Variants in CADM2 observed in about 807,000 individuals in gnomAD.
CADM2 encodes immunoglobulin superfamily member 4D.
In CADM2, 12 loss-of-function variants were observed where a neutral mutation model predicts 49.8. The observed-to-expected ratio is 0.24, with a 90% CI of 0.15 to 0.39. CADM2 has a LOEUF of 0.39. CADM2 is among the 10% of genes least tolerant of loss of function. The probability of loss-of-function intolerance (pLI) is 1.00; values close to 1 mark genes in which losing one functional copy is unlikely to be tolerated. For missense variants in CADM2, 378 were observed against 492.3 expected (o/e 0.77, Z 2.20); for synonymous variants, 214 against 175.4 (o/e 1.22, Z -1.74).
At chr3:85,152,942 C>T (rs1451693247) in intron 1 of CADM2, among the ~76,000 whole-genome samples, 1 of 143,508 alleles carries the variant, frequency 7.0e-6, no homozygotes, top group Non-Finnish European at 1.5e-5. Flanking sequence ...CCAGCCTGGG[C>T]TACAGAGCAA....
At chr3:85,506,861 A>G (rs1027879065) in intron 1 of CADM2, among the ~76,000 whole-genome samples, 2 of 152,214 alleles carry the variant, frequency 1.3e-5, no homozygotes, top group Non-Finnish European at 2.9e-5. Context: ...AATTATCATT[A>G]TAGAATTAAC....
intron 1 of CADM2, among the ~76,000 whole-genome samples, chr3:84,972,548 G>T (rs1229188323): frequency 6.6e-6 from 1 of 152,140 alleles, no homozygotes; most frequent in Non-Finnish European, 1.5e-5. Context: ...CACATCCATA[G>T]ATCAATTCTA....
chr3:84,965,611 A>C (rs995904004), intron 1 of CADM2, among the ~76,000 whole-genome samples: 1 of 152,216 alleles, frequency 6.6e-6, no homozygotes, highest in African/African-American at 2.4e-5. Flanking sequence ...AACATAGGTC[A>C]GTTTAATGAA....
intron 1 of CADM2, among the ~76,000 whole-genome samples, chr3:85,163,742 A>C (rs1446140751): frequency 6.6e-6 from 1 of 152,120 alleles, no homozygotes; most frequent in Non-Finnish European, 1.5e-5. Flanking sequence ...ATGCTAGCAT[A>C]GAAGTCATAT....
chr3:85,271,213 G>A (rs2043234893), intron 1 of CADM2, among the ~76,000 whole-genome samples: 1 of 151,330 alleles, frequency 6.6e-6, no homozygotes, highest in Non-Finnish European at 1.5e-5. Flanking sequence ...GAATCATGCT[G>A]TATGTTAAAA....
intron 1 of CADM2, among the ~76,000 whole-genome samples, chr3:85,553,356 G>C (rs796264150): frequency 1.9e-4 from 29 of 152,144 alleles, no homozygotes; most frequent in African/African-American, 7.0e-4. Context: ...ACAAGAAGCA[G>C]CTGAGCTTCC....
intron 9 of CADM2, among the ~76,000 whole-genome samples, chr3:86,066,108 C>T (rs1328950304): frequency 2.0e-5 from 3 of 151,930 alleles, no homozygotes; most frequent in South Asian, 2.1e-4. Flanking sequence ...TATTGTGCAA[C>T]GGGCCAGGTA....
At chr3:85,687,139 T>C (rs375922637) in intron 1 of CADM2, among the ~76,000 whole-genome samples, 7 of 152,328 alleles carry the variant, frequency 4.6e-5, no homozygotes, top group African/African-American at 1.7e-4. Flanking sequence ...TTATTTCAAG[T>C]AACTATCAGC....
chr3:85,292,116 A>G (rs1318190696), intron 1 of CADM2, among the ~76,000 whole-genome samples: 4 of 148,530 alleles, frequency 2.7e-5, no homozygotes, highest in Admixed American at 6.7e-5. Context: ...AATGGAAAAC[A>G]AAAAAAGGCA....
At chr3:85,633,657 A>C (rs752201146) in intron 1 of CADM2, among the ~76,000 whole-genome samples, 1 of 152,056 alleles carries the variant, frequency 6.6e-6, no homozygotes, top group Non-Finnish European at 1.5e-5. Flanking sequence ...TTTTCATAGA[A>C]TATCATAGTC....
chr3:85,044,693 C>T (rs967663029), intron 1 of CADM2, among the ~76,000 whole-genome samples: 2 of 151,886 alleles, frequency 1.3e-5, no homozygotes, highest in Non-Finnish European at 2.9e-5. Flanking sequence ...AGTCAGTTGC[C>T]AAGAAAAAAC....
chr3:85,089,154 C>G (rs1448820093), intron 1 of CADM2, among the ~76,000 whole-genome samples: 1 of 151,988 alleles, frequency 6.6e-6, no homozygotes, highest in Non-Finnish European at 1.5e-5. Context: ...CTAAAGTGAT[C>G]TATTAATCTT....
At chr3:85,915,699 C>T (rs76379869) in intron 6 of CADM2, among the ~76,000 whole-genome samples, 12,346 of 152,044 alleles carry the variant, frequency 0.081, 730 homozygotes, top group East Asian at 0.2. Context: ...GCCTTGGAAA[C>T]GAAGAAGATG....
At chr3:84,999,022 G>A (rs1413867693) in intron 1 of CADM2, among the ~76,000 whole-genome samples, 5 of 152,070 alleles carry the variant, frequency 3.3e-5, no homozygotes, top group Non-Finnish European at 5.9e-5. Context: ...CCCTAAAAAC[G>A]ATTGCATTAC....
chr3:85,713,601 C>G (rs2067190749), intron 1 of CADM2, among the ~76,000 whole-genome samples: 2 of 152,328 alleles, frequency 1.3e-5, no homozygotes, highest in South Asian at 2.1e-4. Context: ...TAACTCAGCT[C>G]TTACCTACCT....
chr3:85,598,191 C>T (rs1273568694), intron 1 of CADM2, among the ~76,000 whole-genome samples: 2 of 151,976 alleles, frequency 1.3e-5, no homozygotes, highest in Admixed American at 1.3e-4. Flanking sequence ...AACACAAGAT[C>T]ATCATTTTTG....
At chr3:85,766,727 A>G (rs1037688867) in intron 2 of CADM2, among the ~76,000 whole-genome samples, 2 of 152,142 alleles carry the variant, frequency 1.3e-5, no homozygotes, top group African/African-American at 4.8e-5. Flanking sequence ...GATGAGTCCC[A>G]TTGTCCAATT....
chr3:85,712,490 A>T (rs2067146988), intron 1 of CADM2, among the ~76,000 whole-genome samples: 1 of 152,204 alleles, frequency 6.6e-6, no homozygotes. Context: ...AAACTTCCAA[A>T]GAAATTTTCC....
chr3:85,903,648 G>A (rs1716421551), intron 5 of CADM2, among the ~76,000 whole-genome samples: 1 of 152,062 alleles, frequency 6.6e-6, no homozygotes, highest in Non-Finnish European at 1.5e-5. Flanking sequence ...GCAGTGTGAT[G>A]TCATTCCTCA....
Sources: allele counts gnomAD v4.1 joint callset (sites outside exome capture counted in the v4.1 genomes callset), GRCh38; gene constraint gnomAD v4.1.1; transcripts MANE v1.5; gene names NCBI Gene and HGNC (gene_info 2026-07-23, HGNC 2026-07-21).